Variants in RSU1 observed in about 807,000 individuals in gnomAD.
RSU1 encodes rsu-1.
RSU1 carries 26 observed loss-of-function variants against 31.1 expected under a neutral mutation model. The observed-to-expected ratio is 0.84, with a 90% CI of 0.61 to 1.16. The LOEUF (loss-of-function observed/expected upper bound fraction) is 1.16, where lower values mean the gene tolerates loss of function less well. Ranked by LOEUF, RSU1 falls within the 50% of genes most tolerant of loss-of-function variation. The pLI is 0.00. For synonymous variants in RSU1, 164 were observed against 136.3 expected, an observed-to-expected ratio of 1.20 and a Z score of -1.41; for missense variants, 320 against 339.1, an observed-to-expected ratio of 0.94 and a Z score of 0.44.
chr10:16,690,560 A>G (rs1222895742), intron 8 of RSU1, among the ~76,000 whole-genome samples: 1 of 152,010 alleles, frequency 6.6e-6, no homozygotes, highest in Non-Finnish European at 1.5e-5. Context: ...CATGAAGCTA[A>G]GTCATCTCCA....
At chr10:16,747,510 C>T (rs1235748811) in intron 7 of RSU1, among the ~76,000 whole-genome samples, 1 of 152,134 alleles carries the variant, frequency 6.6e-6, no homozygotes, top group East Asian at 1.9e-4. Flanking sequence ...TTAACCTTAA[C>T]TCTCTCACCC....
chr10:16,683,280 T>A (rs1588712941), intron 8 of RSU1, among the ~76,000 whole-genome samples: 1 of 151,882 alleles, frequency 6.6e-6, no homozygotes, highest in East Asian at 1.9e-4. Flanking sequence ...AGGCTACAGA[T>A]GAAGAGAGGA....
intron 7 of RSU1, among the ~76,000 whole-genome samples, chr10:16,697,378 C>T (rs2131565096): frequency 6.6e-6 from 1 of 152,186 alleles, no homozygotes; most frequent in Middle Eastern, 3.4e-3. Flanking sequence ...TATTCTTGGC[C>T]AGGAGTGGTG....
At chr10:16,738,953 CAT>C (rs1421562660) in intron 7 of RSU1, among the ~76,000 whole-genome samples, 2 of 149,498 alleles carry the variant, frequency 1.3e-5, no homozygotes, top group Admixed American at 6.7e-5. Flanking sequence ...TGAACGAGAA[CAT>C]GTGGTGTTTG....
chr10:16,706,172 G>A (rs1215870912), intron 7 of RSU1, among the ~76,000 whole-genome samples: 1 of 152,036 alleles, frequency 6.6e-6, no homozygotes, highest in Non-Finnish European at 1.5e-5. Context: ...GAAACTGCTG[G>A]GTCGTATGGT....
At chr10:16,809,680 TTTCTC>T (rs1224101065) in intron 2 of RSU1, among the ~76,000 whole-genome samples, 19 of 152,218 alleles carry the variant, frequency 1.2e-4, no homozygotes, top group Non-Finnish European at 1.5e-4. Flanking sequence ...TCTCTAGTCT[TTTCTC>T]TAACAATGGA....
At chr10:16,627,478 G>T (rs117110974) in intron 8 of RSU1, among the ~76,000 whole-genome samples, 1 of 152,262 alleles carries the variant, frequency 6.6e-6, no homozygotes, top group African/African-American at 2.4e-5. Flanking sequence ...TATTGGCCAG[G>T]CATGGTGGCT....
chr10:16,730,543 G>A (rs1836487249), intron 7 of RSU1, among the ~76,000 whole-genome samples: 1 of 152,136 alleles, frequency 6.6e-6, no homozygotes, highest in African/African-American at 2.4e-5. Context: ...CCACATTCAG[G>A]AGAGAGCCCA....
chr10:16,709,518 G>A (rs1223086627), intron 7 of RSU1, among the ~76,000 whole-genome samples: 1 of 152,166 alleles, frequency 6.6e-6, no homozygotes, highest in Non-Finnish European at 1.5e-5. Flanking sequence ...CCCAGCAATG[G>A]GATGGCTGGG....
intron 8 of RSU1, among the ~76,000 whole-genome samples, chr10:16,604,610 C>T (rs1833770636): frequency 2.0e-5 from 3 of 152,180 alleles, no homozygotes; most frequent in Non-Finnish European, 4.4e-5. Flanking sequence ...ATTCACTCTG[C>T]CTGGAATGCT....
At chr10:16,649,899 A>G (rs1353632460) in intron 8 of RSU1, among the ~76,000 whole-genome samples, 1 of 152,242 alleles carries the variant, frequency 6.6e-6, no homozygotes, top group Non-Finnish European at 1.5e-5. Flanking sequence ...ACCAGGCCCT[A>G]ACACTACACT....
Position 16,652,155 on chromosome 10 carries a change from G to T in RSU1, c.731+42868C>A, listed in dbSNP as rs906949211. Reference sequence around the variant, plus strand: ...TAAATGACCTCTTTAGAGTCTAAAGGTTGTGCTAAACTGTAAAATAGATTG... The same window carrying T: ...TAAATGACCTCTTTAGAGTCTAAAGTTTGTGCTAAACTGTAAAATAGATTG... On this transcript the variant is annotated intron_variant, in intron 8 of 8. Transcript: ENST00000345264. Among the ~76,000 whole-genome samples the T allele has an allele frequency of 7.0e-4, 106 of 152,086 alleles. 2 individuals carry two copies. Among genetic ancestry groups the T allele is most frequent in the Non-Finnish European group, 1.8e-4 (12 of 68,020 alleles).
At chr10:16,770,719 A>T (rs1292943762) in intron 3 of RSU1, among the ~76,000 whole-genome samples, 1 of 152,242 alleles carries the variant, frequency 6.6e-6, no homozygotes, top group East Asian at 1.9e-4. Context: ...GGAGGACTTA[A>T]GGCAGGTACT....
intron 7 of RSU1, among the ~76,000 whole-genome samples, chr10:16,715,877 C>T (rs1337856008): frequency 1.3e-5 from 2 of 152,184 alleles, no homozygotes; most frequent in South Asian, 2.1e-4. Context: ...ATTAAATCTA[C>T]AGATTGCTTT....
intron 4 of RSU1, among the ~76,000 whole-genome samples, chr10:16,763,509 T>A (rs184260192): frequency 6.6e-6 from 1 of 152,134 alleles, no homozygotes; most frequent in Non-Finnish European, 1.5e-5. Flanking sequence ...GGGATAGTGC[T>A]AAACCATTCA....
chr10:16,677,996 CAAAAA>C (rs769856545), intron 8 of RSU1, among the ~76,000 whole-genome samples: 11 of 148,654 alleles, frequency 7.4e-5, no homozygotes, highest in Admixed American at 2.0e-4. Flanking sequence ...AGAAAAGAAA[CAAAAA>C]AAAAATCCTT....
At chr10:16,799,679 T>G (rs1446724487) in intron 2 of RSU1, among the ~76,000 whole-genome samples, 1 of 152,004 alleles carries the variant, frequency 6.6e-6, no homozygotes, top group Non-Finnish European at 1.5e-5. Flanking sequence ...GCAACCACTG[T>G]GAAAGAAGCC....
At position 16,597,548 on chromosome 10, in the gene RSU1, C is replaced by T. The variant is rs145014147; in HGVS notation, c.732-4052G>A. ...TTCTTTATCTGTAAGCTAGAGATGT[C>T]GTTTGTCTTCCTTGCAGGGTGTTTC... On this transcript the variant is annotated intron_variant, in intron 8 of 8. Transcript: ENST00000345264. 7.4e-4 allele frequency among the ~76,000 whole-genome samples: 112 copies of T among 152,248 alleles called. No individual in the cohort carries two copies. In the East Asian group the frequency reaches 0.02, roughly 28 times the overall value.
chr10:16,750,254 G>C (rs1377114164), intron 7 of RSU1, among the ~76,000 whole-genome samples: 2 of 152,104 alleles, frequency 1.3e-5, no homozygotes, highest in African/African-American at 2.4e-5. Flanking sequence ...AGTTTTGCTT[G>C]TGACAGTGAC....
Sources: gnomAD v4.1 joint callset for allele counts (sites outside exome capture counted in the v4.1 genomes callset) on GRCh38, gnomAD v4.1.1 for gene constraint, MANE v1.5 for transcripts, NCBI Gene and HGNC (gene_info 2026-07-23, HGNC 2026-07-21) for gene names.